Variants in GLG1 observed in about 807,000 individuals in gnomAD.
GLG1 encodes golgi glycoprotein 1.
GLG1 carries 38 observed loss-of-function variants against 160.5 expected under a neutral mutation model. The observed-to-expected ratio is 0.24, with a 90% CI of 0.18 to 0.31. The LOEUF (loss-of-function observed/expected upper bound fraction) is 0.31, where lower values mean the gene tolerates loss of function less well. GLG1 is among the 10% of genes least tolerant of loss of function. The probability of loss-of-function intolerance (pLI) is 1.00; values close to 1 mark genes in which losing one functional copy is unlikely to be tolerated. For synonymous variants in GLG1, 644 were observed against 543.4 expected (o/e 1.19, Z -2.57); for missense variants, 1,373 against 1,505.2 (o/e 0.91, Z 1.45).
At chr16:74,559,761 C>A (rs1289199165) in intron 1 of GLG1, among the ~76,000 whole-genome samples, 1 of 151,330 alleles carries the variant, frequency 6.6e-6, no homozygotes, top group Admixed American at 6.6e-5. Flanking sequence ...CATCTTCAGC[C>A]TTCTGACATA....
intron 1 of GLG1, among the ~76,000 whole-genome samples, chr16:74,570,496 C>A (rs2018793876): frequency 6.9e-6 from 1 of 144,448 alleles, no homozygotes; most frequent in Non-Finnish European, 1.5e-5. Context: ...ATATTCCAAC[C>A]TAAAATTCTA....
In GLG1 at chr16:74,496,748, A is replaced by AC. The variant is rs398029919; in HGVS notation, c.775-105_775-104insG. The AC allele has an allele frequency of 2.6e-5, 19 of 740,836 alleles. No individual in the cohort carries two copies. The Admixed American group carries it at 2.8e-4, about 11-fold the overall frequency. 45.9% of individuals were successfully genotyped at this position (740,836 alleles called of 1,614,324 possible). A position where few individuals can be genotyped will look rare whatever the true frequency, so the allele number is the denominator to read the frequency against. On this transcript the variant is annotated intron_variant, in intron 4 of 25. Transcript: ENST00000422840. ...CACACACACACACACACACACACAC[A>AC]AAGTAATAAAACCCCATCATAGAGT... is the stretch of plus-strand genomic sequence containing the variant.
chr16:74,502,340 G>T (rs544604965), intron 4 of GLG1, among the ~76,000 whole-genome samples: 1 of 152,246 alleles, frequency 6.6e-6, no homozygotes, highest in Admixed American at 6.5e-5. Context: ...CAAAAAATAA[G>T]ATCAGATATA....
chr16:74,479,446 G>GAA (rs1231343562), intron 11 of GLG1, among the ~76,000 whole-genome samples: 4 of 116,140 alleles, frequency 3.4e-5, no homozygotes, highest in Admixed American at 8.6e-5. Flanking sequence ...TATATGGAGA[G>GAA]AAAAAAAAAA....
chr16:74,509,735 G>A (rs1316237278), intron 2 of GLG1, among the ~76,000 whole-genome samples: 3 of 151,610 alleles, frequency 2.0e-5, no homozygotes, highest in African/African-American at 7.3e-5. Context: ...TGCAGTCCCA[G>A]CTACTCGGGA....
At chr16:74,593,366 C>T (rs1958225735) in intron 1 of GLG1, among the ~76,000 whole-genome samples, 2 of 149,542 alleles carry the variant, frequency 1.3e-5, no homozygotes, top group Admixed American at 1.3e-4. Context: ...TTTGAGAGTT[C>T]TGTTAAATGA....
intron 6 of GLG1, among the ~76,000 whole-genome samples, chr16:74,494,459 T>G (rs1343968690): frequency 2.2e-5 from 3 of 137,104 alleles, no homozygotes; most frequent in African/African-American, 5.6e-5. Context: ...CAGGCTGGAG[T>G]GCAGTGGTGC....
At chr16:74,509,722 G>A (rs1006097520) in intron 2 of GLG1, among the ~76,000 whole-genome samples, 14 of 151,852 alleles carry the variant, frequency 9.2e-5, no homozygotes, top group Middle Eastern at 3.4e-3. Context: ...GGTGGCAGGC[G>A]CCTGCAGTCC....
At chr16:74,552,222 C>A in intron 1 of GLG1, 1 of 527,872 alleles carries the variant, frequency 1.9e-6, no homozygotes. Context: ...GTCTCTCCAG[C>A]CCCGGACCTG....
At chr16:74,558,814 T>C (rs148811326) in intron 1 of GLG1, among the ~76,000 whole-genome samples, 1 of 152,236 alleles carries the variant, frequency 6.6e-6, no homozygotes, top group Admixed American at 6.5e-5. Flanking sequence ...AAACATTTAA[T>C]TATGGCTTAC....
At chr16:74,549,916 C>A in intron 1 of GLG1, among the ~76,000 whole-genome samples, 1 of 151,868 alleles carries the variant, frequency 6.6e-6, no homozygotes, top group African/African-American at 2.4e-5. Context: ...GTGTTCAAGA[C>A]CAGCCTGGGC....
rs1049819099 is a variant in GLG1 at position 74,462,365 on chromosome 16, G to C, written c.2934+123C>G. 8 of 951,162 alleles carry C rather than the reference G, an allele frequency of 8.4e-6. No individual in the cohort carries two copies. In the African/African-American group the frequency reaches 1.3e-4, roughly 16 times the overall value. 58.9% of individuals were successfully genotyped at this position (951,162 alleles called of 1,614,324 possible). A position where few individuals can be genotyped will look rare whatever the true frequency, so the allele number is the denominator to read the frequency against. ...TTTGATCTGGCCCCTTAGCCCCCCA[G>C]GTTCGGGAAGATATGAAAAAGGTCT... On this transcript the variant is annotated intron_variant, in intron 21 of 25. Transcript: ENST00000422840.
intron 25 of GLG1, among the ~76,000 whole-genome samples, chr16:74,455,747 C>G (rs1389795084): frequency 6.6e-6 from 1 of 152,198 alleles, no homozygotes; most frequent in Non-Finnish European, 1.5e-5. Flanking sequence ...TGAGTCAATA[C>G]AAAAGCATGG....
At chr16:74,551,864 C>T (rs1040777508) in intron 1 of GLG1, among the ~76,000 whole-genome samples, 8 of 151,110 alleles carry the variant, frequency 5.3e-5, no homozygotes, top group Admixed American at 1.3e-4. Flanking sequence ...ACGTCTTCGC[C>T]ATTAGTCCAA....
At chr16:74,585,709 C>CAAAA (rs556357835) in intron 1 of GLG1, among the ~76,000 whole-genome samples, 1 of 100,186 alleles carries the variant, frequency 1.0e-5, no homozygotes, top group Non-Finnish European at 2.1e-5. Context: ...GACTCCGTCT[C>CAAAA]AAAAAAAAAA....
intron 1 of GLG1, among the ~76,000 whole-genome samples, chr16:74,602,582 G>C (rs976637061): frequency 3.3e-5 from 5 of 152,072 alleles, no homozygotes; most frequent in Non-Finnish European, 5.9e-5. Context: ...AGGAGTTCGA[G>C]ACTAGCCTGG....
chr16:74,566,927 T>A (rs992379052), intron 1 of GLG1, among the ~76,000 whole-genome samples: 1 of 152,122 alleles, frequency 6.6e-6, no homozygotes, highest in African/African-American at 2.4e-5. Context: ...TAACACATAT[T>A]GCTAAGATGT....
At chr16:74,595,573 C>G (rs1958280249) in intron 1 of GLG1, among the ~76,000 whole-genome samples, 1 of 152,132 alleles carries the variant, frequency 6.6e-6, no homozygotes, top group Non-Finnish European at 1.5e-5. Flanking sequence ...TTTTCTGATT[C>G]TCCCAACCAT....
intron 1 of GLG1, among the ~76,000 whole-genome samples, chr16:74,579,581 G>A: frequency 6.6e-6 from 1 of 151,998 alleles, no homozygotes; most frequent in East Asian, 1.9e-4. Context: ...AGTTAGCCAG[G>A]TGTAGTGGCA....
Sources: gnomAD v4.1 joint callset for allele counts (sites outside exome capture counted in the v4.1 genomes callset) on GRCh38, gnomAD v4.1.1 for gene constraint, MANE v1.5 for transcripts, NCBI Gene and HGNC (gene_info 2026-07-23, HGNC 2026-07-21) for gene names.